The following FARP1 variants were observed in gnomAD, a reference collection of about 807,000 sequenced individuals.
The protein encoded by FARP1 is FERM, ARH/RhoGEF and pleckstrin domain protein 1, also known as FERM, ARHGEF and pleckstrin domain-containing protein 1.
A neutral mutation model predicts 128.8 loss-of-function variants in FARP1; 52 were observed. That is an observed-to-expected ratio of 0.40 (90% CI 0.32 to 0.51). The LOEUF is 0.51. Among genes scored for constraint, FARP1 ranks in the 20% least tolerant of loss-of-function variants. FARP1 has a pLI of 0.45. For missense variants in FARP1, 1,333 were observed against 1,367.9 expected (o/e 0.97, Z 0.40); for synonymous variants, 580 against 551.8 (o/e 1.05, Z -0.72).
chr13:98,388,251 C>T (rs568265701), intron 8 of FARP1, 132 bp from the exon 9 acceptor site: 1 of 653,054 alleles, frequency 1.5e-6, no homozygotes, highest in East Asian at 2.7e-5. Context: ...CCTGTGAGTT[C>T]TCTGCAAAAG....
intron 1 of FARP1, among the ~76,000 whole-genome samples, chr13:98,152,631 C>T (rs1399694929): frequency 1.3e-5 from 2 of 152,120 alleles, no homozygotes; most frequent in Admixed American, 6.6e-5. Context: ...TTCACTTTCT[C>T]GTCGTACTTG....
intron 2 of FARP1, among the ~76,000 whole-genome samples, chr13:98,256,949 A>ATATATATATATATATATATATATATGTG (rs1883630229): frequency 4.6e-5 from 1 of 21,688 alleles, no homozygotes; most frequent in Non-Finnish European, 7.2e-5. Flanking sequence ...ATATATGTGG[A>ATATATATATATATATATATATATATGTG]TATATATATA....
intron 6 of FARP1, among the ~76,000 whole-genome samples, chr13:98,378,317 T>G (rs1325004760): frequency 3.9e-5 from 6 of 152,222 alleles, no homozygotes; most frequent in African/African-American, 1.2e-4. Context: ...TTCACTTCTC[T>G]CTAGAGATTT....
chr13:98,410,346 A>G lies in FARP1; in HGVS notation c.1603-388A>G, dbSNP rs375825020. On this transcript the variant is annotated intron_variant, in intron 14 of 26. Transcript: ENST00000319562. ...GTTCCCACAATGTAACTTCCATGTC[A>G]TGAACACCAACTCCACCAACGGACA... Among the ~76,000 whole-genome samples, 48 of 152,322 alleles carry G rather than the reference A, an allele frequency of 3.2e-4. 1 individual carries two copies. The highest frequency in any genetic ancestry group is 1.2e-3 in the African/African-American group (48 of 41,574).
At chr13:98,365,463 G>A in intron 4 of FARP1, 26 bp downstream of exon 4, 2 of 1,540,060 alleles carry the variant, frequency 1.3e-6, no homozygotes, top group South Asian at 1.1e-5. Context: ...ATGTTTAATA[G>A]TGATGTGAAA....
intron 13 of FARP1, chr13:98,404,920 T>C (rs774701480): frequency 1.3e-4 from 20 of 152,220 alleles, no homozygotes; most frequent in Non-Finnish European, 2.2e-4. Context: ...GTTTTTCTAG[T>C]TTCCCCCTTT....
rs1309548472 is a variant in FARP1 at position 98,161,249 on chromosome 13, C to T, written c.-24+17757C>T. Among the ~76,000 whole-genome samples the T allele has an allele frequency of 2.1e-5, 3 of 140,124 alleles. 1 individual carries two copies. Among genetic ancestry groups the T allele is most frequent in the African/African-American group, 8.0e-5 (3 of 37,518 alleles). 91.9% of individuals were successfully genotyped at this position (140,124 alleles called of 152,430 possible). A position where few individuals can be genotyped will look rare whatever the true frequency, so the allele number is the denominator to read the frequency against. ...TTTTTTTTTGAGATGGAGCTTTGCT[C>T]TTGTTGCCCAAGCCAGAGTGCAATG... On this transcript the variant is annotated intron_variant, in intron 1 of 26. Coordinates refer to ENST00000319562, the MANE Select transcript of FARP1 (RefSeq NM_005766.4).
rs180808498 is a variant in FARP1 at position 98,265,093 on chromosome 13, G to T, written c.171+51680G>T. 5.9e-4 allele frequency among the ~76,000 whole-genome samples: 90 copies of T among 152,218 alleles called. 1 individual carries two copies. In the East Asian group the frequency reaches 0.017, roughly 29 times the overall value. On this transcript the variant is annotated intron_variant, in intron 2 of 26. Coordinates refer to ENST00000319562, the MANE Select transcript of FARP1 (RefSeq NM_005766.4). The stretch of plus-strand genomic sequence containing the variant: ...AGTGGTGTTCCCGGCCCACACTAGT[G>T]CTCGTAAAGTGTTTGTGGAAATGAA...
At chr13:98,237,584 A>G (rs1039187948) in intron 2 of FARP1, among the ~76,000 whole-genome samples, 6 of 152,196 alleles carry the variant, frequency 3.9e-5, no homozygotes, top group African/African-American at 1.4e-4. Context: ...ATCTCAGTAA[A>G]AAGTGATCAC....
chr13:98,343,971 G>A, intron 3 of FARP1, 105 bp downstream of exon 3: 1 of 762,074 alleles, frequency 1.3e-6, no homozygotes, highest in East Asian at 2.6e-5. Flanking sequence ...TTTTCATGCT[G>A]TCTGTTTTGT....
intron 8 of FARP1, chr13:98,386,038 G>C: frequency 5.8e-6 from 3 of 519,608 alleles, no homozygotes; most frequent in Non-Finnish European, 1.0e-5. Context: ...TTACAGATTT[G>C]TTTGGTTTTA....
chr13:98,404,019 T>TCACCACCACCAC lies in FARP1; in HGVS notation c.1415-5318_1415-5307dup, dbSNP rs879555980. 144 of 135,424 alleles carry TCACCACCACCAC rather than the reference T, an allele frequency of 1.1e-3. 4 individuals are homozygous for TCACCACCACCAC. Among genetic ancestry groups the TCACCACCACCAC allele is most frequent in the Admixed American group, 6.5e-4 (9 of 13,916 alleles). 8.4% of individuals were successfully genotyped at this position (135,424 alleles called of 1,614,324 possible). Reference sequence around the variant, plus strand: ...GCCTCCACCACCACCACCACCACCATCACCACCACCACTGCTACTACCAAC... The same window carrying TCACCACCACCAC: ...GCCTCCACCACCACCACCACCACCATCACCACCACCACCACCACCACCACTGCTACTACCAAC... On this transcript the variant is annotated intron_variant, in intron 13 of 26. Transcript: ENST00000319562.
intron 2 of FARP1, among the ~76,000 whole-genome samples, chr13:98,270,943 G>A (rs528837588): frequency 2.0e-5 from 3 of 152,308 alleles, no homozygotes; most frequent in Admixed American, 6.5e-5. Context: ...CTGAGCCATC[G>A]TTTCTTCACG....
intron 4 of FARP1, among the ~76,000 whole-genome samples, chr13:98,366,990 G>A (rs1430833914): frequency 6.6e-6 from 1 of 151,996 alleles, no homozygotes; most frequent in Admixed American, 6.6e-5. Context: ...TTTGTAATAG[G>A]ACAGTTAAAA....
chr13:98,424,092 G>C (rs1891691354), intron 16 of FARP1, among the ~76,000 whole-genome samples: 1 of 152,160 alleles, frequency 6.6e-6, no homozygotes, highest in Non-Finnish European at 1.5e-5. Flanking sequence ...ACAGCTATTG[G>C]TCTGCTTCAG....
At chr13:98,419,845 A>C (rs1891529557) in intron 16 of FARP1, among the ~76,000 whole-genome samples, 1 of 152,172 alleles carries the variant, frequency 6.6e-6, no homozygotes, top group African/African-American at 2.4e-5. Context: ...CACCGCTGGC[A>C]TGTGTGCTCT....
At chr13:98,394,694 G>A (rs1217331441) in intron 12 of FARP1, among the ~76,000 whole-genome samples, 1 of 152,184 alleles carries the variant, frequency 6.6e-6, no homozygotes, top group East Asian at 1.9e-4. Flanking sequence ...TAGCCACTTG[G>A]GAGGCTGAGG....
chr13:98,159,402 G>C (rs1296192203), intron 1 of FARP1: 1 of 152,010 alleles, frequency 6.6e-6, no homozygotes, highest in Non-Finnish European at 1.5e-5. Flanking sequence ...TATCTTGCAA[G>C]ATCAGGGTCA....
chr13:98,309,153 CTTTTTTTTTTTTTTTTTTT>C (rs56030081), intron 2 of FARP1, among the ~76,000 whole-genome samples: 3 of 89,670 alleles, frequency 3.3e-5, no homozygotes, highest in South Asian at 4.6e-4. Context: ...TTTAAGAGGC[CTTTTTTTTTTTTTTTTTTT>C]TTTTTTTTTT....
Sources: gnomAD v4.1 joint callset for allele counts (sites outside exome capture counted in the v4.1 genomes callset) on GRCh38, gnomAD v4.1.1 for gene constraint, MANE v1.5 for transcripts, NCBI Gene and HGNC (gene_info 2026-07-23, HGNC 2026-07-21) for gene names.